Variants in ROR2 observed in about 807,000 individuals in gnomAD.
ROR2 encodes the protein tyrosine-protein kinase transmembrane receptor ROR2.
In ROR2, 33 loss-of-function variants were observed where a neutral mutation model predicts 74.9. The observed-to-expected ratio is 0.44, with a 90% CI of 0.33 to 0.59. ROR2 has a LOEUF of 0.59. ROR2 is among the 20% of genes least tolerant of loss of function. The probability of loss-of-function intolerance (pLI) is 0.02; values close to 1 mark genes in which losing one functional copy is unlikely to be tolerated. For missense variants in ROR2, 1,216 were observed against 1,313.8 expected (o/e 0.93, Z 1.15); for synonymous variants, 586 against 558.7 (o/e 1.05, Z -0.69).
At chr9:91,759,880 C>T (rs560472028) in intron 2 of ROR2, among the ~76,000 whole-genome samples, 1 of 152,290 alleles carries the variant, frequency 6.6e-6, no homozygotes, top group African/African-American at 2.4e-5. Context: ...CTCAGTGGGA[C>T]CAGTACTCAG....
intron 1 of ROR2, among the ~76,000 whole-genome samples, chr9:91,856,498 A>G (rs550777178): frequency 8.7e-4 from 133 of 152,358 alleles, no homozygotes; most frequent in Non-Finnish European, 1.2e-3. Context: ...AAACAAGGTC[A>G]TATGAGTGGG....
intron 2 of ROR2, among the ~76,000 whole-genome samples, chr9:91,774,197 T>C (rs937968258): frequency 6.6e-5 from 10 of 152,244 alleles, no homozygotes; most frequent in African/African-American, 2.4e-4. Context: ...ATGCGTTTAC[T>C]ACATTTAACA....
chr9:91,866,364 C>A (rs1383430149), intron 1 of ROR2, among the ~76,000 whole-genome samples: 1 of 151,200 alleles, frequency 6.6e-6, no homozygotes, highest in African/African-American at 2.4e-5. Flanking sequence ...ATTATCTGCC[C>A]GCCTCGGCCT....
At chr9:91,808,400 C>T (rs924468143) in intron 1 of ROR2, among the ~76,000 whole-genome samples, 2 of 152,152 alleles carry the variant, frequency 1.3e-5, no homozygotes, top group African/African-American at 4.8e-5. Flanking sequence ...TTTGGGAGGC[C>T]GAGGCGGGCG....
chr9:91,845,092 C>T (rs1323976209), intron 1 of ROR2, among the ~76,000 whole-genome samples: 1 of 152,102 alleles, frequency 6.6e-6, no homozygotes, highest in African/African-American at 2.4e-5. Context: ...TTTCTGCCCT[C>T]CCCACCCTAC....
Position 91,723,917 on chromosome 9 carries a change from G to T in ROR2, c.2577C>A (p.Pro859=). 1 of 1,613,896 alleles carries T rather than the reference G, an allele frequency of 6.2e-7. No individual in the cohort carries two copies. Among genetic ancestry groups the T allele is most frequent in the Non-Finnish European group, 8.5e-7 (1 of 1,180,040 alleles). ...AGCCACTGCCACTGTGGTGTGAGCT[G>T]GGCTTGGGGACCATCTGAGGAGGCA... ...QQVPPQMVPK[P]SSHHSGSGST... The change falls in exon 9 of 9, where the codon CCC becomes CCA. Residue 859 remains proline (P), a synonymous_variant. Transcript: ENST00000375708.
At chr9:91,921,771 G>A (rs902278615) in intron 1 of ROR2, among the ~76,000 whole-genome samples, 5 of 151,426 alleles carry the variant, frequency 3.3e-5, no homozygotes, top group African/African-American at 7.3e-5. Flanking sequence ...GCTGAGGCAG[G>A]AGAATCGCTT....
intron 4 of ROR2, among the ~76,000 whole-genome samples, chr9:91,751,240 TCA>T (rs1462083171): frequency 2.6e-5 from 4 of 152,322 alleles, no homozygotes; most frequent in Non-Finnish European, 5.9e-5. Flanking sequence ...GGAAACTGAC[TCA>T]CAGAATGGAA....
Position 91,724,986 on chromosome 9 carries a change from G to C in ROR2, c.1508C>G (p.Ala503Gly), listed in dbSNP as rs1162021948. 4.3e-6 allele frequency: 7 copies of C among 1,613,616 alleles called. No homozygotes were observed. The African/African-American group carries it at 8.0e-5, about 18-fold the overall frequency. The change falls in exon 9 of 9, where the codon GCT becomes GGT. Residue 503 changes from alanine (A) to glycine (G), a missense_variant. Coordinates refer to ENST00000375708, the MANE Select transcript of ROR2 (RefSeq NM_004560.4). The part of the protein sequence containing the change: ...FGPAPGEQTQ[A>G]VAIKTLKDKA... ...GTCCTTCAGCGTTTTGATGGCCACA[G>C]CCTGGGTCTGCTCCCCCGGGGCAGG...
At chr9:91,927,562 CTTT>C (rs775823582) in intron 1 of ROR2, among the ~76,000 whole-genome samples, 18 of 94,946 alleles carry the variant, frequency 1.9e-4, no homozygotes, top group Admixed American at 9.8e-4. Context: ...TTTCTAGATT[CTTT>C]TTTTTTTTTT....
intron 1 of ROR2, among the ~76,000 whole-genome samples, chr9:91,850,865 T>C (rs956138660): frequency 6.6e-6 from 1 of 152,202 alleles, no homozygotes; most frequent in African/African-American, 2.4e-5. Context: ...TGTTGACTTA[T>C]TAAGAACGAT....
intron 1 of ROR2, among the ~76,000 whole-genome samples, chr9:91,862,186 C>T (rs575513203): frequency 9.7e-4 from 147 of 152,164 alleles, no homozygotes; most frequent in Non-Finnish European, 1.9e-3. Flanking sequence ...AAAAATTAGC[C>T]GGGTGTGGTG....
At chr9:91,885,133 T>C (rs1426554136) in intron 1 of ROR2, among the ~76,000 whole-genome samples, 6 of 152,296 alleles carry the variant, frequency 3.9e-5, no homozygotes, top group African/African-American at 4.8e-5. Flanking sequence ...AAATATTCTC[T>C]GGAAGGCATG....
intron 7 of ROR2, among the ~76,000 whole-genome samples, chr9:91,727,517 G>A (rs1837084774): frequency 6.6e-6 from 1 of 152,076 alleles, no homozygotes; most frequent in South Asian, 2.1e-4. Context: ...TTCTGAGCAG[G>A]ACTCCAGGCA....
At chr9:91,793,344 C>A (rs1194588937) in intron 1 of ROR2, among the ~76,000 whole-genome samples, 1 of 151,802 alleles carries the variant, frequency 6.6e-6, no homozygotes, top group Non-Finnish European at 1.5e-5. Context: ...AAGGATGAAT[C>A]CATAAATCAC....
rs111729149 is a variant in ROR2 at position 91,824,988 on chromosome 9, C to T, written c.98-49170G>A. Reference sequence around the variant, plus strand: ...TGAAAAGGAAGGGGGGCGATCTGGGCTTGGGTCCTGTTCCCAAGTCAGACA... The same window carrying T: ...TGAAAAGGAAGGGGGGCGATCTGGGTTTGGGTCCTGTTCCCAAGTCAGACA... On this transcript the variant is annotated intron_variant, in intron 1 of 8. Transcript: ENST00000375708. Among the ~76,000 whole-genome samples the T allele has an allele frequency of 3.0e-3, 458 of 152,350 alleles. 4 individuals are homozygous for T. The highest frequency in any genetic ancestry group is 9.8e-3 in the African/African-American group (408 of 41,590).
intron 1 of ROR2, among the ~76,000 whole-genome samples, chr9:91,885,584 G>A (rs972613300): frequency 6.6e-6 from 1 of 152,196 alleles, no homozygotes; most frequent in East Asian, 1.9e-4. Context: ...GGGTGAGACC[G>A]AGATCTGGAA....
At chr9:91,942,179 T>C (rs1026949172) in intron 1 of ROR2, among the ~76,000 whole-genome samples, 3 of 152,192 alleles carry the variant, frequency 2.0e-5, no homozygotes, top group Admixed American at 6.5e-5. Context: ...TTTCATAGAA[T>C]GTCCCTCCAT....
intron 1 of ROR2, among the ~76,000 whole-genome samples, chr9:91,932,298 T>C (rs900853268): frequency 1.3e-5 from 2 of 151,952 alleles, no homozygotes; most frequent in Non-Finnish European, 2.9e-5. Context: ...ACTCAAAATA[T>C]ATAAAACAAA....
Sources: gnomAD v4.1 joint callset for allele counts (sites outside exome capture counted in the v4.1 genomes callset) on GRCh38, gnomAD v4.1.1 for gene constraint, MANE v1.5 for transcripts, NCBI Gene and HGNC (gene_info 2026-07-23, HGNC 2026-07-21) for gene names.